TMTC2: variants seen among roughly 807,000 people sequenced by gnomAD.
TMTC2 encodes the protein protein O-mannosyl-transferase TMTC2.
In TMTC2, 43 loss-of-function variants were observed where a neutral mutation model predicts 82.4. That is an observed-to-expected ratio of 0.52 (90% CI 0.41 to 0.67). TMTC2 has a LOEUF of 0.67. Ranked by LOEUF, TMTC2 falls within the 30% of genes least tolerant of loss-of-function variation. The pLI, the probability that TMTC2 is intolerant of heterozygous loss-of-function variation, is 0.00. For synonymous variants in TMTC2, 408 were observed against 381.9 expected (o/e 1.07, Z -0.80); for missense variants, 919 against 1,012.4 (o/e 0.91, Z 1.25).
chr12:83,132,349 A>C lies in TMTC2; in HGVS notation c.2471A>C (p.Asn824Thr), dbSNP rs778920489. Residue 824 changes from asparagine (N) to threonine (T), a missense_variant, in exon 12 of 12, where the codon AAC becomes ACC. By Grantham distance (65) the Asn-to-Thr change is moderately conservative (BLOSUM62 0). Coordinates refer to ENST00000321196, the MANE Select transcript of TMTC2 (RefSeq NM_152588.3). ...ITQSNLRKLWNIMEKQGLKTS... is the reference protein window; with the variant it reads ...ITQSNLRKLWTIMEKQGLKTS... ...CAGTCCAATCTCCGCAAACTGTGGA[A>C]CATCATGGAAAAACAAGGCTTAAAG... 6.2e-7 allele frequency: 1 copy of C among 1,614,064 alleles called. No individual in the cohort carries two copies. Among genetic ancestry groups the C allele is most frequent in the Non-Finnish European group, 8.5e-7 (1 of 1,179,978 alleles).
intron 1 of TMTC2, among the ~76,000 whole-genome samples, chr12:82,801,132 A>G (rs938591116): frequency 2.0e-5 from 3 of 152,108 alleles, no homozygotes; most frequent in Non-Finnish European, 4.4e-5. Flanking sequence ...GATTTCAGGC[A>G]TGGAGTAAGG....
intron 5 of TMTC2, 111 bp downstream of exon 5, chr12:82,965,220 C>A: frequency 1.3e-6 from 1 of 772,490 alleles, no homozygotes; most frequent in South Asian, 1.8e-5. Context: ...TCTGAATACT[C>A]GCTAATCAGA....
intron 2 of TMTC2, among the ~76,000 whole-genome samples, chr12:82,863,019 T>C (rs930019840): frequency 5.3e-5 from 8 of 152,224 alleles, no homozygotes; most frequent in African/African-American, 1.9e-4. Context: ...TAGAGATGCA[T>C]AGCCTGCAGG....
At chr12:82,870,660 G>A (rs1170938644) in intron 2 of TMTC2, among the ~76,000 whole-genome samples, 1 of 152,110 alleles carries the variant, frequency 6.6e-6, no homozygotes, top group Non-Finnish European at 1.5e-5. Flanking sequence ...AAATGCGGTG[G>A]GATTTTTAAA....
intron 1 of TMTC2, among the ~76,000 whole-genome samples, chr12:82,783,296 G>GTGTGTGTGTGTGTGTC (rs1878001940): frequency 6.8e-6 from 1 of 147,106 alleles, no homozygotes; most frequent in African/African-American, 2.5e-5. Context: ...GCCTCTGTGT[G>GTGTGTGTGTGTGTGTC]TGTGTGTGTG....
Position 83,050,895 on chromosome 12 carries a change from A to G in TMTC2, c.2153-9A>G. ...TGAGTTGAAGCTCACTGGTTTTTAT[A>G]CTTTTCAGGTCAGTTTCTTCTGGAA... On this transcript the variant is annotated splice_polypyrimidine_tract_variant and intron_variant, in intron 9 of 11. Transcript: ENST00000321196. 2 of 1,599,812 alleles carry G rather than the reference A, an allele frequency of 1.3e-6. No individual in the cohort carries two copies. The highest frequency in any genetic ancestry group is 8.5e-7 in the Non-Finnish European group (1 of 1,172,138).
chr12:82,820,712 TAA>T (rs1463871054), intron 1 of TMTC2, among the ~76,000 whole-genome samples: 1 of 152,246 alleles, frequency 6.6e-6, no homozygotes, highest in Non-Finnish European at 1.5e-5. Flanking sequence ...TTATTCACTC[TAA>T]GTTTGTATTA....
At chr12:82,787,423 C>G (rs1245363980) in intron 1 of TMTC2, among the ~76,000 whole-genome samples, 1 of 151,930 alleles carries the variant, frequency 6.6e-6, no homozygotes, top group Non-Finnish European at 1.5e-5. Context: ...AATACAGAAC[C>G]TAGTTATATG....
chr12:82,794,674 G>T (rs751105784), intron 1 of TMTC2, among the ~76,000 whole-genome samples: 1 of 152,122 alleles, frequency 6.6e-6, no homozygotes, highest in African/African-American at 2.4e-5. Context: ...TTGAGAAGGT[G>T]AATTTAACCA....
At chr12:83,067,260 TAAG>T (rs1227732040) in intron 11 of TMTC2, among the ~76,000 whole-genome samples, 2 of 151,956 alleles carry the variant, frequency 1.3e-5, no homozygotes, top group Non-Finnish European at 2.9e-5. Context: ...TGTGAGCAGT[TAAG>T]GAGATGAAGA....
chr12:83,085,060 G>A (rs548087557), intron 11 of TMTC2, among the ~76,000 whole-genome samples: 1 of 152,292 alleles, frequency 6.6e-6, no homozygotes, highest in African/African-American at 2.4e-5. Context: ...GTAGGGGTTG[G>A]TTGTGATTTT....
chr12:82,866,250 A>C (rs1299243799), intron 2 of TMTC2, among the ~76,000 whole-genome samples: 1 of 150,896 alleles, frequency 6.6e-6, no homozygotes, highest in East Asian at 1.9e-4. Flanking sequence ...AGATCAAAAA[A>C]AAAAAAAAAA....
chr12:82,856,954 T>G (rs1215939485), intron 1 of TMTC2, 56 bp from the exon 2 acceptor site: 2 of 1,502,894 alleles, frequency 1.3e-6, no homozygotes, highest in East Asian at 2.3e-5. Flanking sequence ...CAATGTCATA[T>G]TTTTTCTTTC....
intron 1 of TMTC2, among the ~76,000 whole-genome samples, chr12:82,838,205 G>C (rs1870153007): frequency 6.6e-6 from 1 of 152,086 alleles, no homozygotes; most frequent in Admixed American, 6.6e-5. Context: ...ACTTATTGTG[G>C]GGACAGCATC....
At chr12:82,938,940 T>A (rs998939764) in intron 4 of TMTC2, among the ~76,000 whole-genome samples, 8 of 152,276 alleles carry the variant, frequency 5.3e-5, no homozygotes, top group African/African-American at 1.9e-4. Flanking sequence ...ACTTTTAAGT[T>A]TTTTCCCCTG....
At chr12:82,831,434 A>G (rs918473162) in intron 1 of TMTC2, among the ~76,000 whole-genome samples, 1 of 152,230 alleles carries the variant, frequency 6.6e-6, no homozygotes, top group African/African-American at 2.4e-5. Flanking sequence ...TGTCTCATTG[A>G]TCAGAGCTTC....
chr12:83,112,106 A>T (rs1884619399), intron 11 of TMTC2, among the ~76,000 whole-genome samples: 1 of 152,096 alleles, frequency 6.6e-6, no homozygotes, highest in South Asian at 2.1e-4. Context: ...ACCCTGTCTA[A>T]AAAAAAGACT....
chr12:82,833,537 C>A (rs77109452), intron 1 of TMTC2, among the ~76,000 whole-genome samples: 3,582 of 152,234 alleles, frequency 0.024, 157 homozygotes, highest in African/African-American at 0.083. Context: ...TCTCAAAATG[C>A]TTTATTCATT....
chr12:83,107,907 G>T (rs1056775694), intron 11 of TMTC2, among the ~76,000 whole-genome samples: 3 of 152,124 alleles, frequency 2.0e-5, no homozygotes, highest in Admixed American at 6.5e-5. Context: ...TAGAGGAGGG[G>T]CCCGGTGGGA....
Sources: allele counts gnomAD v4.1 joint callset (sites outside exome capture counted in the v4.1 genomes callset), GRCh38; gene constraint gnomAD v4.1.1; transcripts MANE v1.5; gene names NCBI Gene and HGNC (gene_info 2026-07-23, HGNC 2026-07-21).